The following FAF1 variants were observed in gnomAD, a reference collection of about 807,000 sequenced individuals.
The protein encoded by FAF1 is Fas associated factor 1.
Under a neutral mutation model 92.5 loss-of-function variants are expected in FAF1, and 25 were observed. That is an observed-to-expected ratio of 0.27 (90% CI 0.20 to 0.38). FAF1 has a LOEUF of 0.38. FAF1 is among the 10% of genes least tolerant of loss of function. The pLI is 1.00. For missense variants in FAF1, 636 were observed against 793.3 expected, an observed-to-expected ratio of 0.80 and a Z score of 2.38; for synonymous variants, 234 against 273.2, an observed-to-expected ratio of 0.86 and a Z score of 1.42.
At chr1:50,768,988 C>T (rs115310990) in intron 4 of FAF1, among the ~76,000 whole-genome samples, 1,973 of 151,778 alleles carry the variant, frequency 0.013, 42 homozygotes, top group African/African-American at 0.044. Flanking sequence ...ATACAAAAGA[C>T]TGAGTCCAGG....
intron 1 of FAF1, among the ~76,000 whole-genome samples, chr1:50,901,005 T>C (rs1326105912): frequency 2.6e-5 from 4 of 152,144 alleles, no homozygotes; most frequent in Admixed American, 6.6e-5. Flanking sequence ...GATTTGATCT[T>C]GATGTGACAG....
chr1:50,562,699 T>G lies in FAF1; in HGVS notation c.1268+4378A>C, dbSNP rs74080006. Among the ~76,000 whole-genome samples, 1,165 of 152,352 alleles carry G rather than the reference T, an allele frequency of 7.6e-3. 11 individuals are homozygous for G. The highest frequency in any genetic ancestry group is 0.027 in the African/African-American group (1,125 of 41,576). ...TATATATTAGCTCTTATGTCTGTTT[T>G]GCCTACTAGACTATATGTGTTTTGA... On this transcript the variant is annotated intron_variant, in intron 13 of 18. Transcript: ENST00000396153.
At chr1:50,549,778 A>T (rs1261365355) in intron 13 of FAF1, among the ~76,000 whole-genome samples, 3 of 151,752 alleles carry the variant, frequency 2.0e-5, no homozygotes, top group African/African-American at 7.3e-5. Context: ...CCATCTCAAA[A>T]AACAAAAACA....
At chr1:50,729,053 T>TAG (rs1214414061) in intron 6 of FAF1, among the ~76,000 whole-genome samples, 1 of 99,612 alleles carries the variant, frequency 1.0e-5, no homozygotes, top group Admixed American at 1.0e-4. Context: ...TATATATATA[T>TAG]ATATATTTTT....
At chr1:50,947,198 G>A (rs906303599) in intron 1 of FAF1, among the ~76,000 whole-genome samples, 1 of 152,156 alleles carries the variant, frequency 6.6e-6, no homozygotes, top group African/African-American at 2.4e-5. Flanking sequence ...TTCCCTTAGG[G>A]AAAAAGAGGA....
At chr1:50,559,939 T>C (rs1398176837) in intron 13 of FAF1, among the ~76,000 whole-genome samples, 1 of 152,210 alleles carries the variant, frequency 6.6e-6, no homozygotes, top group African/African-American at 2.4e-5. Context: ...GAAAATTATA[T>C]GGAAATCTGG....
At chr1:50,885,203 C>T (rs929549271) in intron 1 of FAF1, among the ~76,000 whole-genome samples, 1 of 151,754 alleles carries the variant, frequency 6.6e-6, no homozygotes, top group African/African-American at 2.4e-5. Context: ...TTTATCTTTT[C>T]AAAAAAACCA....
Position 50,755,307 on chromosome 1 carries a change from G to C in FAF1, c.368-10532C>G, listed in dbSNP as rs893859267. On this transcript the variant is annotated intron_variant, in intron 4 of 18. Coordinates refer to ENST00000396153, the MANE Select transcript of FAF1 (RefSeq NM_007051.3). ...CAAAATGAAGGGCTAAAGGCTCCAT[G>C]AAAGTCCAAAATCCAGCAGGGCAGT... Among the ~76,000 whole-genome samples, 3 of 152,202 alleles carry C rather than the reference G, an allele frequency of 2.0e-5. No individual in the cohort carries two copies. In the East Asian group the frequency reaches 5.8e-4, roughly 29 times the overall value.
chr1:50,693,987 GTA>G (rs1329867727), intron 7 of FAF1, among the ~76,000 whole-genome samples: 18 of 125,116 alleles, frequency 1.4e-4, no homozygotes, highest in South Asian at 2.3e-4. Flanking sequence ...TGATCTATAT[GTA>G]TATGTGTCAT....
intron 1 of FAF1, among the ~76,000 whole-genome samples, chr1:50,869,983 C>T (rs978545393): frequency 6.6e-6 from 1 of 152,198 alleles, no homozygotes; most frequent in Admixed American, 6.5e-5. Flanking sequence ...TCATACCATG[C>T]ATTATGATGG....
chr1:50,538,051 T>C (rs1485371020), intron 14 of FAF1, among the ~76,000 whole-genome samples: 1 of 152,070 alleles, frequency 6.6e-6, no homozygotes, highest in Non-Finnish European at 1.5e-5. Context: ...TTGTAAAATA[T>C]TGGTTCACTG....
intron 9 of FAF1, among the ~76,000 whole-genome samples, chr1:50,590,328 T>C (rs1248478468): frequency 3.3e-5 from 5 of 152,192 alleles, no homozygotes; most frequent in Non-Finnish European, 7.3e-5. Context: ...TTTTCAGCAA[T>C]GTTTGGTAGC....
Position 50,701,411 on chromosome 1 carries a change from C to T in FAF1, c.657+4375G>A, listed in dbSNP as rs569396376. On this transcript the variant is annotated intron_variant, in intron 7 of 18. Coordinates refer to ENST00000396153, the MANE Select transcript of FAF1 (RefSeq NM_007051.3). ...AACAAAACAAACAAACCAAAAAAAA[C>T]ACCCAATACTTTAAAACATTTACAG... Among the ~76,000 whole-genome samples the T allele has an allele frequency of 5.4e-5, 8 of 149,310 alleles. No individual in the cohort carries two copies. In the South Asian group the frequency reaches 1.5e-3, roughly 28 times the overall value.
intron 7 of FAF1, among the ~76,000 whole-genome samples, chr1:50,666,063 C>CTACTCAGGAGGTGAGACACAAGAAT (rs2124326153): frequency 1.3e-5 from 2 of 151,122 alleles, no homozygotes; most frequent in African/African-American, 4.9e-5. Context: ...GTAATCCCAG[C>CTACTCAGGAGGTGAGACACAAGAAT]TACTCAGGAG....
At chr1:50,729,700 C>T (rs1239004588) in intron 6 of FAF1, among the ~76,000 whole-genome samples, 2 of 151,494 alleles carry the variant, frequency 1.3e-5, no homozygotes, top group Non-Finnish European at 2.9e-5. Flanking sequence ...AGCCACTGCA[C>T]CAAAGCTATC....
chr1:50,638,586 G>A (rs973160843), intron 8 of FAF1, among the ~76,000 whole-genome samples: 3 of 151,834 alleles, frequency 2.0e-5, no homozygotes, highest in Non-Finnish European at 2.9e-5. Flanking sequence ...TGAGATTACA[G>A]ACGCCCACCA....
At chr1:50,867,224 G>A (rs146811782) in intron 1 of FAF1, among the ~76,000 whole-genome samples, 15 of 151,968 alleles carry the variant, frequency 9.9e-5, no homozygotes, top group African/African-American at 2.4e-4. Context: ...ACCTGAAACC[G>A]TACAACTCAA....
chr1:50,786,231 TA>T (rs569004289), intron 4 of FAF1, among the ~76,000 whole-genome samples: 3 of 152,028 alleles, frequency 2.0e-5, no homozygotes, highest in East Asian at 1.9e-4. Flanking sequence ...TGTTAATGAC[TA>T]AAAAAAATGT....
intron 1 of FAF1, among the ~76,000 whole-genome samples, chr1:50,928,599 T>G (rs147072665): frequency 8.5e-5 from 12 of 141,292 alleles, no homozygotes; most frequent in Non-Finnish European, 1.7e-4. Context: ...CTGGCCAACA[T>G]AGTGAAACCC....
Sources: gnomAD v4.1 joint callset for allele counts (sites outside exome capture counted in the v4.1 genomes callset) on GRCh38, gnomAD v4.1.1 for gene constraint, MANE v1.5 for transcripts, NCBI Gene and HGNC (gene_info 2026-07-23, HGNC 2026-07-21) for gene names.